RPGRIP1: variants seen among roughly 807,000 people sequenced by gnomAD.
RPGRIP1 encodes X-linked retinitis pigmentosa GTPase regulator-interacting protein 1.
Under a neutral mutation model 157.9 loss-of-function variants are expected in RPGRIP1, and 128 were observed. The observed-to-expected ratio is 0.81, with a 90% confidence interval of 0.70 to 0.94. The LOEUF is 0.94. Ranked by LOEUF, RPGRIP1 falls within the 40% of genes least tolerant of loss-of-function variation. The pLI, the probability that RPGRIP1 is intolerant of heterozygous loss-of-function variation, is 0.00. For missense variants in RPGRIP1, 1,486 were observed against 1,545.8 expected (o/e 0.96, Z 0.65); for synonymous variants, 554 against 571.6 (o/e 0.97, Z 0.44).
At chr14:21,345,072 A>T in intron 22 of RPGRIP1, 41 bp from the exon 23 acceptor site, 2 of 1,295,108 alleles carry the variant, frequency 1.5e-6, no homozygotes, top group Non-Finnish European at 2.2e-6. Flanking sequence ...ACACTGCAAC[A>T]GTATATGATT....
rs779025194 is a variant in RPGRIP1, at chr14:21,324,779, C to G, written c.1924C>G (p.Leu642Val). Residue 642 changes from leucine to valine, a missense_variant, in exon 15 of 25, where the codon CTA becomes GTA. By Grantham distance (32) the Leu-to-Val change is conservative. Coordinates refer to ENST00000400017, the MANE Select transcript of RPGRIP1 (RefSeq NM_020366.4). ...IHQAFLTSAA[L>V]AQAGDTQPTT... Reference sequence around the variant, plus strand: ...CCAGGCCTTCCTGACATCTGCCGCCCTAGCTCAGGCTGGAGATACCCAACC... The same window carrying G: ...CCAGGCCTTCCTGACATCTGCCGCCGTAGCTCAGGCTGGAGATACCCAACC... 6.2e-7 allele frequency: 1 copy of G among 1,614,062 alleles called. No homozygotes were observed. The highest frequency in any genetic ancestry group is 1.7e-5 in the Admixed American group (1 of 60,026).
Position 21,324,997 on chromosome 14 carries a change from T to C in RPGRIP1, c.2142T>C (p.Leu714=). Residue 714 remains leucine (L), a synonymous_variant, in exon 15 of 25, where the codon CTT becomes CTC. Transcript: ENST00000400017. ...HQAMASEHST[L]AAGWICFDRV... ...CCATGGCCAGTGAACACAGCACTCT[T>C]GCTGCAGGATGGATTTGCTTTGACA... 1 of 1,614,014 alleles carries C rather than the reference T, an allele frequency of 6.2e-7. No individual in the cohort carries two copies. The highest frequency in any genetic ancestry group is 8.5e-7 in the Non-Finnish European group (1 of 1,179,894).
At position 21,321,371 on chromosome 14, in the gene RPGRIP1, T is replaced by C; in HGVS notation, c.1580T>C (p.Ile527Thr). 1 of 1,612,696 alleles carries C rather than the reference T, an allele frequency of 6.2e-7. No individual in the cohort carries two copies. The highest frequency in any genetic ancestry group is 8.5e-7 in the Non-Finnish European group (1 of 1,179,602). Residue 527 changes from isoleucine (I) to threonine (T), a missense_variant, in exon 13 of 25, where the codon ATT (isoleucine) becomes ACT (threonine). By Grantham distance (89) the Ile-to-Thr change is moderately conservative. Transcript: ENST00000400017. ...LELEKTRDML[I>T]LQRKINVCYQ... ...CTAGAAAAGACCAGGGACATGCTTA[T>C]TCTGCAGCGCAAAATCAACGTGTGT...
intron 23 of RPGRIP1, among the ~76,000 whole-genome samples, chr14:21,347,669 A>G (rs1011151272): frequency 2.6e-5 from 4 of 152,188 alleles, no homozygotes; most frequent in African/African-American, 7.2e-5. Flanking sequence ...AAAGTAGATT[A>G]GTGGTTCAGG....
Position 21,326,095 on chromosome 14 carries a change from G to A in RPGRIP1, c.2632G>A (p.Glu878Lys), listed in dbSNP as rs1019416252. ...EALSIHVFDD[E>K]DLEPGSYLGR... ...CTTGTCTATACATGTTTTTGATGATGAAGACTTAGAGCCTGGCTCGTATCT... is the reference window on the plus strand; with the variant it reads ...CTTGTCTATACATGTTTTTGATGATAAAGACTTAGAGCCTGGCTCGTATCT... The change falls in exon 17 of 25, where the codon GAA becomes AAA. Residue 878 changes from glutamate (E) to lysine (K), a missense_variant. By Grantham distance (56) the Glu-to-Lys change is moderately conservative. Transcript: ENST00000400017. 21 of 1,613,052 alleles carry A rather than the reference G, an allele frequency of 1.3e-5. No homozygotes were observed. Among genetic ancestry groups the A allele is most frequent in the Non-Finnish European group, 1.8e-5 (21 of 1,179,340 alleles).
At position 21,325,058 on chromosome 14, in the gene RPGRIP1, G is replaced by T. The variant is rs769776142; in HGVS notation, c.2203G>T (p.Ala735Ser). ...GACTGTGGAGAAAGTCCATGGCTTG[G>T]CCACACTGATTGGTAAGTGCCGTTG... is the stretch of plus-strand genomic sequence containing the variant. ...LETVEKVHGL[A>S]TLIGAGGEEF... The change falls in exon 15 of 25, where the codon GCC becomes TCC. Residue 735 changes from alanine (A) to serine (S), a missense_variant. Physicochemically the swap from Ala to Ser is moderately conservative, Grantham distance 99. Transcript: ENST00000400017. 6.2e-6 allele frequency: 10 copies of T among 1,609,476 alleles called. No individual in the cohort carries two copies. In the African/African-American group the frequency reaches 1.3e-4, roughly 21 times the overall value.
In RPGRIP1 at chr14:21,299,019, AT is replaced by A. The variant is rs35963433; in HGVS notation, c.219-1935del. Among the ~76,000 whole-genome samples the A allele has an allele frequency of 2.6e-3, 370 of 140,584 alleles. 6 individuals are homozygous for A. In the East Asian group the frequency reaches 0.031, roughly 12 times the overall value. The allele number at this position is 140,584 out of a possible 152,430, so 92.2% of individuals were successfully genotyped here. A position where few individuals can be genotyped will look rare whatever the true frequency, so the allele number is the denominator to read the frequency against. On this transcript the variant is annotated intron_variant, in intron 3 of 24. Transcript: ENST00000400017. Reference sequence around the variant, plus strand: ...GGATCAGCACTCTTCAGAGTTGGTGATTTTTTTTTTTTGAGATGGGAGTTTC... The same window carrying A: ...GGATCAGCACTCTTCAGAGTTGGTGATTTTTTTTTTTGAGATGGGAGTTTC...
intron 20 of RPGRIP1, among the ~76,000 whole-genome samples, chr14:21,331,213 T>G (rs1284717644): frequency 6.6e-6 from 1 of 151,306 alleles, no homozygotes; most frequent in East Asian, 2.0e-4. Flanking sequence ...CCGACCTAGT[T>G]TTGATTTTCT....
intron 9 of RPGRIP1, 43 bp downstream of exon 9, chr14:21,312,013 C>T: frequency 1.3e-6 from 2 of 1,555,908 alleles, no homozygotes; most frequent in Non-Finnish European, 1.8e-6. Context: ...ATTTCAACTT[C>T]AGGGATGTTA....
intron 21 of RPGRIP1, among the ~76,000 whole-genome samples, chr14:21,340,959 G>A (rs1044456739): frequency 1.3e-5 from 2 of 152,104 alleles, no homozygotes; most frequent in African/African-American, 4.8e-5. Flanking sequence ...TCAAAACACT[G>A]TATAGTCAAT....
chr14:21,344,457 G>A (rs1243900673), intron 22 of RPGRIP1, among the ~76,000 whole-genome samples: 4 of 152,002 alleles, frequency 2.6e-5, no homozygotes, highest in African/African-American at 9.7e-5. Flanking sequence ...TGGAGAATAC[G>A]ATCAAATTCT....
chr14:21,325,175 C>A, intron 15 of RPGRIP1, 57 bp from the exon 16 acceptor site: 2 of 1,551,072 alleles, frequency 1.3e-6, no homozygotes, highest in South Asian at 2.5e-5. Flanking sequence ...TTGTCTTGTT[C>A]TTGATCCTTG....
chr14:21,287,877 T>C, intron 1 of RPGRIP1, 62 bp from the exon 2 acceptor site: 1 of 731,394 alleles, frequency 1.4e-6, no homozygotes, highest in Non-Finnish European at 2.4e-6. Flanking sequence ...ACAACTTATG[T>C]ACACGTTTCA....
chr14:21,321,172 T>A, intron 12 of RPGRIP1, 87 bp from the exon 13 acceptor site: 14 of 1,366,970 alleles, frequency 1.0e-5, no homozygotes, highest in Non-Finnish European at 1.3e-5. Flanking sequence ...GGCATTTTAC[T>A]ACTACCAACA....
At chr14:21,290,132 C>G (rs1880463886) in intron 2 of RPGRIP1, among the ~76,000 whole-genome samples, 1 of 152,064 alleles carries the variant, frequency 6.6e-6, no homozygotes, top group Non-Finnish European at 1.5e-5. Context: ...GCTGGGATTA[C>G]AGGCAGAAGC....
At chr14:21,319,540 G>A in intron 11 of RPGRIP1, among the ~76,000 whole-genome samples, 1 of 152,062 alleles carries the variant, frequency 6.6e-6, no homozygotes, top group East Asian at 1.9e-4. Flanking sequence ...CATCCTGAGT[G>A]ATGGAGTAAG....
At chr14:21,294,639 T>TA (rs749726742) in intron 2 of RPGRIP1, 38 bp from the exon 3 acceptor site, 1 of 1,606,010 alleles carries the variant, frequency 6.2e-7, no homozygotes, top group South Asian at 1.1e-5. Flanking sequence ...AAAATAGGTG[T>TA]AAAAATACTG....
At chr14:21,315,874 C>T (rs1438266385) in intron 10 of RPGRIP1, among the ~76,000 whole-genome samples, 1 of 151,178 alleles carries the variant, frequency 6.6e-6, no homozygotes, top group Non-Finnish European at 1.5e-5. Context: ...TCTTGGCTCA[C>T]TGCAACCTCT....
intron 24 of RPGRIP1, among the ~76,000 whole-genome samples, 154 bp downstream of exon 24, chr14:21,348,456 C>A (rs758507092): frequency 2.0e-5 from 3 of 152,054 alleles, no homozygotes; most frequent in Non-Finnish European, 2.9e-5. Context: ...TTTCTGGATC[C>A]AACATTAAAG....
Sources: allele counts gnomAD v4.1 joint callset (sites outside exome capture counted in the v4.1 genomes callset), GRCh38; gene constraint gnomAD v4.1.1; transcripts MANE v1.5; gene names NCBI Gene and HGNC (gene_info 2026-07-23, HGNC 2026-07-21).